The following FAM184A variants were observed in gnomAD, a reference collection of about 807,000 sequenced individuals.
The protein encoded by FAM184A is protein FAM184A.
A neutral mutation model predicts 143.8 loss-of-function variants in FAM184A; 99 were observed. That is an observed-to-expected ratio of 0.69 (90% CI 0.58 to 0.81). FAM184A has a LOEUF of 0.81. FAM184A is among the 40% of genes least tolerant of loss of function. The probability of loss-of-function intolerance (pLI) is 0.00; values close to 1 mark genes in which losing one functional copy is unlikely to be tolerated. For synonymous variants in FAM184A, 427 were observed against 446.4 expected (o/e 0.96, Z 0.55); for missense variants, 1,217 against 1,310.5 (o/e 0.93, Z 1.10).
At chr6:119,130,272 CA>C (rs1021971952) in intron 1 of FAM184A, among the ~76,000 whole-genome samples, 2 of 152,072 alleles carry the variant, frequency 1.3e-5, no homozygotes, top group African/African-American at 4.8e-5. Flanking sequence ...AGGGAGCCCC[CA>C]AATCAGAAAA....
At chr6:119,008,787 T>C (rs575134749) in intron 6 of FAM184A, among the ~76,000 whole-genome samples, 2 of 152,304 alleles carry the variant, frequency 1.3e-5, no homozygotes, top group Non-Finnish European at 2.9e-5. Flanking sequence ...AAATTACAAA[T>C]ATGGACACGA....
At position 119,135,493 on chromosome 6, in the gene FAM184A, A is replaced by T. The variant is rs190110338; in HGVS notation, c.-202+13585T>A. Among the ~76,000 whole-genome samples, 48 of 152,374 alleles carry T rather than the reference A, an allele frequency of 3.2e-4. No individual in the cohort carries two copies. The East Asian group carries it at 8.5e-3, about 27-fold the overall frequency. Reference sequence around the variant, plus strand: ...AAAAATGATATGCTTCACAATAAAAAAATTACAGTATTCCTTCAAAAAGAC... The same window carrying T: ...AAAAATGATATGCTTCACAATAAAATAATTACAGTATTCCTTCAAAAAGAC... On this transcript the variant is annotated intron_variant, in intron 1 of 16. Transcript: ENST00000352896.
chr6:119,004,634 A>T (rs570202850), intron 7 of FAM184A, among the ~76,000 whole-genome samples: 21 of 152,336 alleles, frequency 1.4e-4, no homozygotes, highest in Non-Finnish European at 2.8e-4. Flanking sequence ...GGGTAGGTTA[A>T]AGGAAAAGAG....
chr6:119,144,889 G>C (rs934787492), intron 1 of FAM184A, among the ~76,000 whole-genome samples: 1 of 152,170 alleles, frequency 6.6e-6, no homozygotes, highest in African/African-American at 2.4e-5. Flanking sequence ...CACATTCACA[G>C]TCTGATTTAC....
intron 1 of FAM184A, among the ~76,000 whole-genome samples, chr6:119,032,503 GGGAAGAGGGAGAGGAAGA>G (rs1475042893): frequency 3.4e-5 from 5 of 148,604 alleles, no homozygotes; most frequent in African/African-American, 7.5e-5. Flanking sequence ...GAGAGGGAGA[GGGAAGAGGGAGAGGAAGA>G]GGAAGAGGGA....
At chr6:119,147,361 A>G (rs1371605275) in intron 1 of FAM184A, among the ~76,000 whole-genome samples, 2 of 98,858 alleles carry the variant, frequency 2.0e-5, no homozygotes, top group Non-Finnish European at 3.8e-5. Flanking sequence ...CTTGATTCTG[A>G]CTGGGGATAG....
chr6:119,107,555 A>T (rs997566129), intron 1 of FAM184A, among the ~76,000 whole-genome samples: 1 of 152,192 alleles, frequency 6.6e-6, no homozygotes, highest in African/African-American at 2.4e-5. Context: ...TGAAGTCAGG[A>T]GTTCGAGACC....
At chr6:119,061,129 T>C (rs772928204) in intron 1 of FAM184A, among the ~76,000 whole-genome samples, 7 of 152,194 alleles carry the variant, frequency 4.6e-5, no homozygotes, top group Non-Finnish European at 7.3e-5. Context: ...CCATGGACTG[T>C]GTCTCTTCAA....
At chr6:118,960,801 A>G (rs753297664) in intron 17 of FAM184A, 1 of 1,365,856 alleles carries the variant, frequency 7.3e-7, no homozygotes, top group African/African-American at 1.5e-5. Flanking sequence ...GCACGCAACA[A>G]TGTGTAATGG....
At chr6:119,101,951 G>T (rs1020213299) in intron 1 of FAM184A, among the ~76,000 whole-genome samples, 9 of 152,088 alleles carry the variant, frequency 5.9e-5, no homozygotes, top group African/African-American at 2.2e-4. Flanking sequence ...AGCTACTCAG[G>T]AGGCTGAGGT....
At position 119,006,620 on chromosome 6, in the gene FAM184A, T is replaced by C; in HGVS notation, c.1654-12A>G. On this transcript the variant is annotated splice_polypyrimidine_tract_variant and intron_variant, in intron 6 of 17. Transcript: ENST00000338891. ...TGGAGGTGGCCAATCTGTAAGTAAA[T>C]AGAGTACTTTTAATATATTTCATTG... is the stretch of plus-strand genomic sequence containing the variant. 1 of 1,595,004 alleles carries C rather than the reference T, an allele frequency of 6.3e-7. No individual in the cohort carries two copies. Among genetic ancestry groups the C allele is most frequent in the African/African-American group, 1.4e-5 (1 of 74,034 alleles).
At position 118,964,734 on chromosome 6, in the gene FAM184A, C is replaced by T. The variant is rs775538811; in HGVS notation, c.3071G>A (p.Arg1024Gln). The T allele has an allele frequency of 1.1e-5, 17 of 1,606,936 alleles. No homozygotes were observed. The highest frequency in any genetic ancestry group is 9.4e-5 in the African/African-American group (7 of 74,730). The part of the protein sequence containing the change: ...NKFYQLELVN[R>Q]ETNFNKVFNS... ...AAACACTTTGTTGAAGTTAGTTTCT[C>T]GATTGACTAATTCCAGCTGATAAAA... The change falls in exon 16 of 18, where the codon CGA (arginine) becomes CAA (glutamine). Residue 1024 changes from arginine to glutamine, a missense_variant. Physicochemically the swap from Arg to Gln is conservative, Grantham distance 43 (BLOSUM62 1). Coordinates refer to ENST00000338891, the MANE Select transcript of FAM184A (RefSeq NM_024581.6).
At chr6:119,057,421 T>A (rs1431848912) in intron 1 of FAM184A, among the ~76,000 whole-genome samples, 1 of 152,182 alleles carries the variant, frequency 6.6e-6, no homozygotes, top group East Asian at 1.9e-4. Context: ...CCTGTTAATT[T>A]AGAGATTCTA....
chr6:118,979,863 C>G (rs920910714), intron 10 of FAM184A, among the ~76,000 whole-genome samples: 4 of 149,244 alleles, frequency 2.7e-5, no homozygotes, highest in Non-Finnish European at 4.4e-5. Context: ...GGCAACATAG[C>G]GAGACCCTGT....
At chr6:119,130,868 T>C (rs1333916977) in intron 1 of FAM184A, among the ~76,000 whole-genome samples, 1 of 149,448 alleles carries the variant, frequency 6.7e-6, no homozygotes, top group Non-Finnish European at 1.5e-5. Flanking sequence ...CTTTTTTTTT[T>C]TTTTTTTGAG....
At position 119,078,254 on chromosome 6, in the gene FAM184A, A is replaced by G. The variant is rs1303030799; in HGVS notation, c.46T>C (p.Ser16Pro). ...MSWQQHYYGGSAAKFAPSPAT... is the reference protein window; with the variant it reads ...MSWQQHYYGGPAAKFAPSPAT... ...GGCGAGGGCGCGAATTTGGCCGCCG[A>G]GCCGCCGTAATAGTGCTGCTGCCAG... Residue 16 changes from serine (S) to proline (P), a missense_variant, in exon 1 of 18, where the codon TCG becomes CCG. Coordinates refer to ENST00000338891, the MANE Select transcript of FAM184A (RefSeq NM_024581.6). The surrounding 1 kb of genome is among the most constrained non-coding windows in gnomAD (Gnocchi z 5.5). 8 of 1,521,718 alleles carry G rather than the reference A, an allele frequency of 5.3e-6. No individual in the cohort carries two copies. The Middle Eastern group carries it at 5.1e-4, about 97-fold the overall frequency. 94.3% of individuals were successfully genotyped at this position (1,521,718 alleles called of 1,614,324 possible). A position where few individuals can be genotyped will look rare whatever the true frequency, so the allele number is the denominator to read the frequency against.
At chr6:119,010,866 T>C (rs1251501054) in intron 6 of FAM184A, among the ~76,000 whole-genome samples, 2 of 152,198 alleles carry the variant, frequency 1.3e-5, no homozygotes, top group African/African-American at 4.8e-5. Context: ...AGAAGAGCTC[T>C]AACTTCCCTC....
chr6:119,120,888 C>T (rs1789195867), intron 1 of FAM184A, among the ~76,000 whole-genome samples: 2 of 145,264 alleles, frequency 1.4e-5, no homozygotes, highest in Non-Finnish European at 1.5e-5. Flanking sequence ...TGTTCTGTTG[C>T]CCAGGCTGGA....
chr6:119,050,452 G>GT (rs34923179), intron 1 of FAM184A, among the ~76,000 whole-genome samples: 9 of 150,016 alleles, frequency 6.0e-5, no homozygotes, highest in African/African-American at 1.7e-4. Context: ...GACAGATTGG[G>GT]TTTTTTTTTT....
Sources: allele counts gnomAD v4.1 joint callset (sites outside exome capture counted in the v4.1 genomes callset), GRCh38; gene constraint gnomAD v4.1.1; non-coding constraint Gnocchi (gnomAD v3.1); transcripts MANE v1.5; gene names NCBI Gene and HGNC (gene_info 2026-07-23, HGNC 2026-07-21).